Variants in SEMA3E observed in about 807,000 individuals in gnomAD.
The protein encoded by SEMA3E is semaphorin 3E, also known as semaphorin-3E.
Under a neutral mutation model 93.6 loss-of-function variants are expected in SEMA3E, and 49 were observed. The ratio of observed to expected loss-of-function variants is 0.52; its 90% CI spans 0.42 to 0.66. The LOEUF is 0.66. SEMA3E is among the 30% of genes least tolerant of loss of function. The probability of loss-of-function intolerance (pLI) is 0.00; values close to 1 mark genes in which losing one functional copy is unlikely to be tolerated. For synonymous variants in SEMA3E, 363 were observed against 330.7 expected (o/e 1.10, Z -1.06); for missense variants, 906 against 964.8 (o/e 0.94, Z 0.81).
Position 83,385,433 on chromosome 7 carries a change from C to A in SEMA3E, c.1736G>T (p.Gly579Val). The change falls in exon 16 of 17, where the codon GGG becomes GTG. Residue 579 changes from glycine to valine, a missense_variant and splice_region_variant. Physicochemically the swap from Gly to Val is moderately radical, Grantham distance 109 (BLOSUM62 -3). Transcript: ENST00000643230. ...TTCTTCAGTCTTATCCAAAGCATCC[C>A]CTACAACAGGAACATTAATGCCATC... ...AQQCFGQQFV[G>V]DALDKTEEHL... is the part of the protein sequence containing the mutation. 3.7e-6 allele frequency: 6 copies of A among 1,613,178 alleles called. No homozygotes were observed. Among genetic ancestry groups the A allele is most frequent in the Non-Finnish European group, 5.1e-6 (6 of 1,179,440 alleles).
At chr7:83,575,486 AT>A (rs1022354108) in intron 1 of SEMA3E, among the ~76,000 whole-genome samples, 1 of 152,148 alleles carries the variant, frequency 6.6e-6, no homozygotes, top group African/African-American at 2.4e-5. Flanking sequence ...TTCAACAGGT[AT>A]TTATTAAAGT....
At chr7:83,583,719 T>C (rs1432414962) in intron 1 of SEMA3E, among the ~76,000 whole-genome samples, 1 of 152,198 alleles carries the variant, frequency 6.6e-6, no homozygotes, top group East Asian at 1.9e-4. Flanking sequence ...TTGTCTTTCA[T>C]GTGATATGTT....
intron 4 of SEMA3E, among the ~76,000 whole-genome samples, chr7:83,443,723 CAAA>C (rs1284208467): frequency 1.3e-5 from 2 of 150,898 alleles, no homozygotes; most frequent in Non-Finnish European, 1.5e-5. Context: ...TTTAAAAATT[CAAA>C]AAAAATTTAA....
intron 5 of SEMA3E, among the ~76,000 whole-genome samples, chr7:83,409,093 TCAGA>T (rs1482138606): frequency 2.0e-5 from 3 of 152,162 alleles, no homozygotes; most frequent in African/African-American, 4.8e-5. Flanking sequence ...CAAAATTTAA[TCAGA>T]CAGTCAACAA....
chr7:83,371,673 T>G (rs1794750737), intron 16 of SEMA3E: 1 of 152,120 alleles, frequency 6.6e-6, no homozygotes, highest in Admixed American at 6.6e-5. Context: ...ACCTGTACAT[T>G]ACCAGAATCA....
intron 1 of SEMA3E, among the ~76,000 whole-genome samples, chr7:83,507,455 T>TGG (rs1173096807): frequency 4.0e-5 from 6 of 148,754 alleles, no homozygotes; most frequent in Non-Finnish European, 7.5e-5. Flanking sequence ...TGTGTGTGTG[T>TGG]GTGTGTGTGT....
intron 4 of SEMA3E, among the ~76,000 whole-genome samples, chr7:83,422,265 T>C (rs1406446065): frequency 6.6e-6 from 1 of 152,170 alleles, no homozygotes; most frequent in Non-Finnish European, 1.5e-5. Flanking sequence ...TAAACTTATA[T>C]TCTAAGCCAA....
intron 1 of SEMA3E, among the ~76,000 whole-genome samples, chr7:83,527,477 G>A (rs1003249445): frequency 6.6e-6 from 1 of 152,094 alleles, no homozygotes; most frequent in Non-Finnish European, 1.5e-5. Context: ...CTCCTATGGA[G>A]TATATGACAG....
At chr7:83,481,180 C>G (rs1031264593) in intron 2 of SEMA3E, among the ~76,000 whole-genome samples, 2 of 152,136 alleles carry the variant, frequency 1.3e-5, no homozygotes, top group East Asian at 3.9e-4. Context: ...TATGGTCAAT[C>G]AAGCGAAAAA....
chr7:83,628,163 G>C (rs1401930839), intron 1 of SEMA3E, among the ~76,000 whole-genome samples: 1 of 152,162 alleles, frequency 6.6e-6, no homozygotes, highest in African/African-American at 2.4e-5. Context: ...CTTCTGGCTT[G>C]TAGGGCTTCT....
intron 1 of SEMA3E, among the ~76,000 whole-genome samples, chr7:83,535,578 C>G (rs1041154503): frequency 3.9e-5 from 6 of 152,100 alleles, no homozygotes. Flanking sequence ...CTATCAATGA[C>G]CCTGAGAATC....
In SEMA3E at chr7:83,368,048, C is replaced by CA. The variant is rs746953419; in HGVS notation, c.1876-11dup. 8 of 1,612,484 alleles carry CA rather than the reference C, an allele frequency of 5.0e-6. No individual in the cohort carries two copies. Among genetic ancestry groups the CA allele is most frequent in the Non-Finnish European group, 6.8e-6 (8 of 1,179,192 alleles). On this transcript the variant is annotated splice_polypyrimidine_tract_variant and intron_variant, in intron 16 of 16. Transcript: ENST00000643230. ...TGTCATCTGTCTTCACCTGCAAAAACAAAAAAGTAAATGGCACTGAAGTAC... is the reference window on the plus strand; with the variant it reads ...TGTCATCTGTCTTCACCTGCAAAAACAAAAAAAGTAAATGGCACTGAAGTAC...
intron 4 of SEMA3E, among the ~76,000 whole-genome samples, chr7:83,423,390 C>T (rs1346411798): frequency 6.6e-6 from 1 of 152,092 alleles, no homozygotes; most frequent in Non-Finnish European, 1.5e-5. Context: ...CTTCAAATAC[C>T]TATCTCACAT....
intron 1 of SEMA3E, among the ~76,000 whole-genome samples, chr7:83,583,198 T>C (rs1792548522): frequency 6.6e-6 from 1 of 152,204 alleles, no homozygotes; most frequent in Non-Finnish European, 1.5e-5. Context: ...CTGATGTACC[T>C]TTAGAAACCT....
intron 1 of SEMA3E, among the ~76,000 whole-genome samples, chr7:83,622,933 C>T (rs1028857488): frequency 6.6e-6 from 1 of 151,868 alleles, no homozygotes; most frequent in African/African-American, 2.4e-5. Flanking sequence ...CTATGGCACA[C>T]ATTTACCACA....
At chr7:83,486,715 A>G (rs543487361) in intron 2 of SEMA3E, among the ~76,000 whole-genome samples, 5 of 152,164 alleles carry the variant, frequency 3.3e-5, no homozygotes, top group African/African-American at 4.8e-5. Context: ...CTGATGTTAC[A>G]TCAGAGCTAA....
chr7:83,639,216 G>C (rs1487934270), intron 1 of SEMA3E, among the ~76,000 whole-genome samples: 2 of 149,604 alleles, frequency 1.3e-5, no homozygotes, highest in Non-Finnish European at 3.0e-5. Context: ...TGATGTTGCA[G>C]TCCATGGACC....
At chr7:83,375,563 T>C (rs1458070914) in intron 16 of SEMA3E, among the ~76,000 whole-genome samples, 2 of 152,064 alleles carry the variant, frequency 1.3e-5, no homozygotes, top group Non-Finnish European at 2.9e-5. Flanking sequence ...GAAGACCATA[T>C]AAATTATAAT....
chr7:83,398,137 A>G (rs750345654), intron 11 of SEMA3E, among the ~76,000 whole-genome samples: 2 of 152,012 alleles, frequency 1.3e-5, no homozygotes, highest in Non-Finnish European at 2.9e-5. Flanking sequence ...CTGTGGTTCA[A>G]TATGATGACA....
Sources: allele counts gnomAD v4.1 joint callset (sites outside exome capture counted in the v4.1 genomes callset), GRCh38; gene constraint gnomAD v4.1.1; transcripts MANE v1.5; gene names NCBI Gene and HGNC (gene_info 2026-07-23, HGNC 2026-07-21).